Variants in SHANK2 observed in about 807,000 individuals in gnomAD.
The protein encoded by SHANK2 is SH3 and multiple ankyrin repeat domains 2.
In SHANK2, 43 loss-of-function variants were observed where a neutral mutation model predicts 133.7. That is an observed-to-expected ratio of 0.32 (90% CI 0.25 to 0.41). The LOEUF is 0.41. Among genes scored for constraint, SHANK2 ranks in the 10% least tolerant of loss-of-function variants. The probability of loss-of-function intolerance (pLI) is 1.00; values close to 1 mark genes in which losing one functional copy is unlikely to be tolerated. For synonymous variants in SHANK2, 1,017 were observed against 952.8 expected (o/e 1.07, Z -1.24); for missense variants, 1,994 against 2,235.8 (o/e 0.89, Z 2.18).
intron 14 of SHANK2, among the ~76,000 whole-genome samples, chr11:70,728,909 G>A (rs1946226615): frequency 1.3e-5 from 2 of 152,138 alleles, no homozygotes; most frequent in African/African-American, 4.8e-5. Flanking sequence ...GTTGGCACCT[G>A]AGAAGGAATG....
intron 3 of SHANK2, among the ~76,000 whole-genome samples, chr11:71,145,325 A>C (rs782417372): frequency 3.3e-5 from 5 of 152,260 alleles, no homozygotes; most frequent in Admixed American, 6.5e-5. Context: ...GTTGCATAAA[A>C]ACCCCTCAGA....
At chr11:71,167,283 A>G (rs10792515) in intron 2 of SHANK2, among the ~76,000 whole-genome samples, 89,281 of 151,586 alleles carry the variant, frequency 0.59, 26,999 homozygotes, top group South Asian at 0.72. Context: ...ATCATGGCCC[A>G]TTCTCAATGA....
intron 14 of SHANK2, among the ~76,000 whole-genome samples, chr11:70,726,291 G>A (rs572597158): frequency 1.3e-5 from 2 of 152,196 alleles, no homozygotes; most frequent in Non-Finnish European, 2.9e-5. Context: ...AAGAGCTCTT[G>A]CCTGTCTGTA....
At chr11:71,120,463 A>C (rs2135273950) in intron 3 of SHANK2, among the ~76,000 whole-genome samples, 1 of 152,234 alleles carries the variant, frequency 6.6e-6, no homozygotes. Context: ...AGACAGCCCG[A>C]GGGTAAGTTC....
rs371835238 is a variant in SHANK2, at chr11:71,096,369, C to T, written c.593-1681G>A. 3.9e-5 allele frequency among the ~76,000 whole-genome samples: 6 copies of T among 152,298 alleles called. No individual in the cohort carries two copies. In the East Asian group the frequency reaches 1.2e-3, roughly 29 times the overall value. On this transcript the variant is annotated intron_variant, in intron 6 of 25. Coordinates refer to ENST00000601538, the MANE Select transcript of SHANK2 (RefSeq NM_012309.5). ...GACCAGTTGGAACATGGCCAGAGTT[C>T]CACATGTGCACAGAGAGGTGGAAAT...
At chr11:70,712,875 C>G (rs558614775) in intron 14 of SHANK2, among the ~76,000 whole-genome samples, 1 of 152,218 alleles carries the variant, frequency 6.6e-6, no homozygotes, top group Non-Finnish European at 1.5e-5. Context: ...AACAAGCACC[C>G]GAGTCCATAG....
intron 17 of SHANK2, among the ~76,000 whole-genome samples, chr11:70,506,905 T>A (rs2059144356): frequency 6.6e-6 from 1 of 152,144 alleles, no homozygotes; most frequent in East Asian, 1.9e-4. Context: ...CAACAGGGCC[T>A]CAAACCATCC....
intron 10 of SHANK2, among the ~76,000 whole-genome samples, chr11:70,932,829 C>A (rs1041585234): frequency 6.6e-6 from 1 of 152,002 alleles, no homozygotes; most frequent in African/African-American, 2.4e-5. Context: ...ATTAGCATGG[C>A]TACTACATAG....
At chr11:70,787,341 CCACCACCAGCAT>C (rs1312669344) in intron 14 of SHANK2, among the ~76,000 whole-genome samples, 12 of 150,328 alleles carry the variant, frequency 8.0e-5, no homozygotes, top group Non-Finnish European at 1.5e-4. Flanking sequence ...ATGACCACCA[CCACCACCAGCAT>C]CACCACCAGC....
At chr11:70,722,073 G>A (rs1555029318) in intron 14 of SHANK2, among the ~76,000 whole-genome samples, 1 of 152,228 alleles carries the variant, frequency 6.6e-6, no homozygotes, top group African/African-American at 2.4e-5. Context: ...CATGGATCTG[G>A]AAATCATCTT....
At chr11:70,496,744 G>T (rs1183797503) in intron 21 of SHANK2, among the ~76,000 whole-genome samples, 4 of 152,088 alleles carry the variant, frequency 2.6e-5, no homozygotes, top group African/African-American at 9.7e-5. Flanking sequence ...CCTTGTGCCT[G>T]CCATGTGATG....
intron 10 of SHANK2, among the ~76,000 whole-genome samples, chr11:70,922,752 A>C (rs1337558178): frequency 1.3e-5 from 2 of 152,236 alleles, no homozygotes; most frequent in African/African-American, 4.8e-5. Context: ...GAAAGGAATA[A>C]AAAGCAAATG....
intron 25 of SHANK2, among the ~76,000 whole-genome samples, chr11:70,478,601 C>A (rs1555150732): frequency 6.6e-6 from 1 of 152,170 alleles, no homozygotes; most frequent in African/African-American, 2.4e-5. Flanking sequence ...ACCTAGCTTC[C>A]CCGAGGCCTG....
intron 21 of SHANK2, among the ~76,000 whole-genome samples, chr11:70,495,343 C>A (rs7130970): frequency 0.021 from 3,255 of 152,280 alleles, 41 homozygotes; most frequent in South Asian, 0.072. Context: ...GTTTCTGTGC[C>A]GGCCTCTGTT....
intron 9 of SHANK2, among the ~76,000 whole-genome samples, chr11:71,072,444 C>T (rs926371041): frequency 1.3e-5 from 2 of 152,228 alleles, no homozygotes; most frequent in Admixed American, 1.3e-4. Flanking sequence ...TTCCTAGATA[C>T]ATTCACGTCC....
intron 2 of SHANK2, among the ~76,000 whole-genome samples, chr11:71,161,969 T>C (rs1472963698): frequency 5.9e-5 from 9 of 152,190 alleles, no homozygotes; most frequent in African/African-American, 2.2e-4. Flanking sequence ...TCCTCAAATC[T>C]GGTAGACAGT....
At chr11:71,065,848 T>G (rs1951048158) in intron 9 of SHANK2, among the ~76,000 whole-genome samples, 1 of 93,314 alleles carries the variant, frequency 1.1e-5, no homozygotes, top group Admixed American at 1.5e-4. Flanking sequence ...TACAGAACTC[T>G]CCCAGGGAGA....
Position 70,863,562 on chromosome 11 carries a change from G to GTC in SHANK2, c.1174+32938_1174+32939insGA, listed in dbSNP as rs1949298250. ...ATTTTAACTCTGGATCCCAGTGAAG[G>GTC]TACAATTTAGAGTCTAAAATAACTC... On this transcript the variant is annotated intron_variant, in intron 11 of 25. Coordinates refer to ENST00000601538, the MANE Select transcript of SHANK2 (RefSeq NM_012309.5). 3 of 457,768 alleles carry GTC rather than the reference G, an allele frequency of 6.6e-6. No individual in the cohort carries two copies. In the Middle Eastern group the frequency reaches 9.7e-4, roughly 148 times the overall value. The allele number at this position is 457,768 out of a possible 1,614,324, so 28.4% of individuals were successfully genotyped here. A position where few individuals can be genotyped will look rare whatever the true frequency, so the allele number is the denominator to read the frequency against.
At chr11:70,761,370 T>A (rs1370251154) in intron 14 of SHANK2, among the ~76,000 whole-genome samples, 1 of 152,068 alleles carries the variant, frequency 6.6e-6, no homozygotes, top group Non-Finnish European at 1.5e-5. Flanking sequence ...GGACTTTCAC[T>A]CTCCAGCACT....
Sources: gnomAD v4.1 joint callset for allele counts (sites outside exome capture counted in the v4.1 genomes callset) on GRCh38, gnomAD v4.1.1 for gene constraint, MANE v1.5 for transcripts, NCBI Gene and HGNC (gene_info 2026-07-23, HGNC 2026-07-21) for gene names.